The following PCDHGA9 variants were observed in gnomAD, a reference collection of about 807,000 sequenced individuals.
PCDHGA9 encodes the protein protocadherin gamma-A9.
A neutral mutation model predicts 62.5 loss-of-function variants in PCDHGA9; 37 were observed. The ratio of observed to expected loss-of-function variants is 0.59; its 90% CI spans 0.46 to 0.78. PCDHGA9 has a LOEUF of 0.78. Among genes scored for constraint, PCDHGA9 ranks in the 30% least tolerant of loss-of-function variants. PCDHGA9 has a pLI of 0.00. For synonymous variants in PCDHGA9, 459 were observed against 484.6 expected (o/e 0.95, Z 0.69); for missense variants, 1,138 against 1,166.2 (o/e 0.98, Z 0.35).
intron 1 of PCDHGA9, among the ~76,000 whole-genome samples, chr5:141,443,477 C>T (rs1279226136): frequency 6.6e-6 from 1 of 152,116 alleles, no homozygotes; most frequent in Non-Finnish European, 1.5e-5. Flanking sequence ...CAGAATTAGA[C>T]CCTGTCCCAA....
intron 1 of PCDHGA9, chr5:141,415,040 CG>C (rs878992043): frequency 6.2e-7 from 1 of 1,613,520 alleles, no homozygotes; most frequent in East Asian, 2.2e-5. Flanking sequence ...GGACTCTTCG[CG>C]GTGGGGGAGC....
In PCDHGA9 at chr5:141,414,653, A is replaced by G. The variant is rs2095771118; in HGVS notation, c.2424+9277A>G. ...AGCAAAGAGAATGCCCAGATTATTT[A>G]CTCCCTGGCTGAAGACACCATCCAG... On this transcript the variant is annotated intron_variant, in intron 1 of 3. Coordinates refer to ENST00000573521, the MANE Select transcript of PCDHGA9 (RefSeq NM_018921.3). 6.2e-7 allele frequency: 1 copy of G among 1,613,644 alleles called. No homozygotes were observed.
chr5:141,413,574 T>C (rs773380895), intron 1 of PCDHGA9: 12 of 1,613,714 alleles, frequency 7.4e-6, no homozygotes, highest in Admixed American at 1.7e-5. Flanking sequence ...TCAATGACAA[T>C]GCTCCAAAAT....
At chr5:141,498,921 AG>A (rs1289139995) in intron 2 of PCDHGA9, among the ~76,000 whole-genome samples, 1 of 140,074 alleles carries the variant, frequency 7.1e-6, no homozygotes, top group Non-Finnish European at 1.6e-5. Flanking sequence ...TGACAGAGCG[AG>A]ACTCCATCAG....
chr5:141,495,005 CG>C (rs2099758180), intron 2 of PCDHGA9, 140 bp downstream of exon 2: 2 of 1,522,694 alleles, frequency 1.3e-6, no homozygotes, highest in African/African-American at 1.4e-5. Context: ...TCTTGGTGTG[CG>C]GGGGGCTGGC....
In PCDHGA9 at chr5:141,502,866, C is replaced by CT. The variant is rs549047197; in HGVS notation, c.2484-2513dup. ...GAGCTGCCTAACCCTGACTCTCTGT[C>CT]TTTTTTTTTTTTTTGACAGGGAGTC... On this transcript the variant is annotated intron_variant, in intron 2 of 3. Transcript: ENST00000573521. Among the ~76,000 whole-genome samples, 1,216 of 127,988 alleles carry CT rather than the reference C, an allele frequency of 9.5e-3. 34 individuals are homozygous for CT. Among genetic ancestry groups the CT allele is most frequent in the Non-Finnish European group, 0.015 (955 of 62,394 alleles). The allele number at this position is 127,988 out of a possible 152,430, so 84.0% of individuals were successfully genotyped here.
chr5:141,422,996 C>G lies in PCDHGA9; in HGVS notation c.2424+17620C>G. 1.2e-6 allele frequency: 2 copies of G among 1,614,224 alleles called. No homozygotes were observed. The highest frequency in any genetic ancestry group is 1.7e-6 in the Non-Finnish European group (2 of 1,180,046). On this transcript the variant is annotated intron_variant, in intron 1 of 3. Coordinates refer to ENST00000573521, the MANE Select transcript of PCDHGA9 (RefSeq NM_018921.3). ...TCTGCGGAACCTGGCTACCTGGTGA[C>G]CAAGGTGGTTGCGGTGGACAAAGAT...
intron 1 of PCDHGA9, among the ~76,000 whole-genome samples, chr5:141,466,387 A>G (rs1312030857): frequency 1.3e-5 from 2 of 152,108 alleles, no homozygotes; most frequent in Non-Finnish European, 2.9e-5. Flanking sequence ...CATCTAATGG[A>G]AAGTTTGCTC....
At chr5:141,407,286 T>A (rs1409712341) in intron 1 of PCDHGA9, among the ~76,000 whole-genome samples, 1 of 152,234 alleles carries the variant, frequency 6.6e-6, no homozygotes, top group Non-Finnish European at 1.5e-5. Flanking sequence ...TTGTTACAAT[T>A]TCTGTTCTGA....
intron 1 of PCDHGA9, among the ~76,000 whole-genome samples, chr5:141,452,375 G>A (rs1239059045): frequency 2.0e-5 from 3 of 152,194 alleles, no homozygotes; most frequent in African/African-American, 7.2e-5. Context: ...TTTTAGTAGG[G>A]AATAGTATTT....
intron 3 of PCDHGA9, 152 bp from the exon 4 acceptor site, chr5:141,510,795 G>C (rs994874330): frequency 9.3e-5 from 136 of 1,465,100 alleles, no homozygotes; most frequent in Admixed American, 1.7e-4. Flanking sequence ...CTTGTGAAGA[G>C]AGACTACCTT....
In PCDHGA9 at chr5:141,490,242, T is replaced by G. The variant is rs2099697678; in HGVS notation, c.2425-4565T>G. 6.2e-7 allele frequency: 1 copy of G among 1,614,194 alleles called. No individual in the cohort carries two copies. The highest frequency in any genetic ancestry group is 8.5e-7 in the Non-Finnish European group (1 of 1,180,028). ...GACAGCCTGCCATGGAGGGCCACTG[T>G]GTGATTCAAGTGGATGTGGGGGATG... On this transcript the variant is annotated intron_variant, in intron 1 of 3. Transcript: ENST00000573521. The surrounding 1 kb of genome is among the most constrained non-coding windows in gnomAD (Gnocchi z 5.4).
At position 141,402,973 on chromosome 5, in the gene PCDHGA9, C is replaced by G. The variant is rs779898665; in HGVS notation, c.21C>G (p.Cys7Trp). 6.2e-7 allele frequency: 1 copy of G among 1,607,926 alleles called. No individual in the cohort carries two copies. Residue 7 changes from cysteine (C) to tryptophan (W), a missense_variant, in exon 1 of 4, where the codon TGC becomes TGG. Transcript: ENST00000573521. MAAPTK[C>W]QLRGRLVLLC... Reference sequence around the variant, plus strand: ...CAGCAATGGCAGCTCCAACCAAATGCCAGCTCCGCGGAAGATTAGTCCTGC... The same window carrying G: ...CAGCAATGGCAGCTCCAACCAAATGGCAGCTCCGCGGAAGATTAGTCCTGC...
intron 1 of PCDHGA9, among the ~76,000 whole-genome samples, chr5:141,445,490 C>T (rs1181158971): frequency 6.6e-6 from 1 of 152,134 alleles, no homozygotes; most frequent in Non-Finnish European, 1.5e-5. Flanking sequence ...AGTTAATGGG[C>T]CCTATTCTAA....
rs771608897 is a variant in PCDHGA9, at chr5:141,490,857, C to T, written c.2425-3950C>T. 58 of 1,613,714 alleles carry T rather than the reference C, an allele frequency of 3.6e-5. 1 individual carries two copies. The highest frequency in any genetic ancestry group is 1.8e-4 in the Admixed American group (11 of 59,992). Reference sequence around the variant, plus strand: ...AGATTGTGGTGGGGGTTCGAGACTCCGGCTCTCCCCCATTGCATGCCAACA... The same window carrying T: ...AGATTGTGGTGGGGGTTCGAGACTCTGGCTCTCCCCCATTGCATGCCAACA... On this transcript the variant is annotated intron_variant, in intron 1 of 3. Transcript: ENST00000573521. The surrounding 1 kb of genome is among the most constrained non-coding windows in gnomAD (Gnocchi z 5.4).
intron 1 of PCDHGA9, among the ~76,000 whole-genome samples, chr5:141,453,080 A>T (rs1323212808): frequency 6.6e-6 from 1 of 151,960 alleles, no homozygotes; most frequent in Non-Finnish European, 1.5e-5. Context: ...ACTCTGGTTG[A>T]TTAGTATATT....
chr5:141,428,406 C>T (rs908202809), intron 1 of PCDHGA9: 1 of 473,274 alleles, frequency 2.1e-6, no homozygotes, highest in Non-Finnish European at 3.9e-6. Context: ...CCTGGGGTTG[C>T]TTTCACCCTG....
At position 141,476,518 on chromosome 5, in the gene PCDHGA9, T is replaced by C; in HGVS notation, c.2425-18289T>C. 1 of 1,614,214 alleles carries C rather than the reference T, an allele frequency of 6.2e-7. No individual in the cohort carries two copies. Among genetic ancestry groups the C allele is most frequent in the Non-Finnish European group, 8.5e-7 (1 of 1,180,038 alleles). ...AGGACATCAACGACAACAATCCTGC[T>C]TTCCCTACCCAGGAAATGAAATTGG... is the stretch of plus-strand genomic sequence containing the variant. On this transcript the variant is annotated intron_variant, in intron 1 of 3. Transcript: ENST00000573521. This position sits in a 1 kb window ranked among gnomAD's most constrained non-coding sequence, Gnocchi z 7.6.
At chr5:141,406,072 CT>C (rs530474569) in intron 1 of PCDHGA9, among the ~76,000 whole-genome samples, 16,756 of 141,280 alleles carry the variant, frequency 0.12, 1,110 homozygotes, top group African/African-American at 0.2. Flanking sequence ...ATTCTTACTC[CT>C]TTTTTTTTTT....
Sources: allele counts gnomAD v4.1 joint callset (sites outside exome capture counted in the v4.1 genomes callset), GRCh38; gene constraint gnomAD v4.1.1; non-coding constraint Gnocchi (gnomAD v3.1); transcripts MANE v1.5; gene names NCBI Gene and HGNC (gene_info 2026-07-23, HGNC 2026-07-21).